The following TP63 variants were observed in gnomAD, a reference collection of about 807,000 sequenced individuals.
TP63 encodes tumor protein p63.
TP63 carries 17 observed loss-of-function variants against 82.8 expected under a neutral mutation model. The ratio of observed to expected loss-of-function variants is 0.21; its 90% CI spans 0.14 to 0.31. TP63 has a LOEUF of 0.31. Among genes scored for constraint, TP63 ranks in the 10% least tolerant of loss-of-function variants. The pLI, the probability that TP63 is intolerant of heterozygous loss-of-function variation, is 1.00. For synonymous variants in TP63, 330 were observed against 321.7 expected, an observed-to-expected ratio of 1.03 and a Z score of -0.28; for missense variants, 648 against 895.3, an observed-to-expected ratio of 0.72 and a Z score of 3.52.
chr3:189,784,281 C>G (rs1232376756), intron 3 of TP63, among the ~76,000 whole-genome samples: 1 of 151,916 alleles, frequency 6.6e-6, no homozygotes, highest in African/African-American at 2.4e-5. Flanking sequence ...ACTGTTATTA[C>G]AATCATAGCA....
chr3:189,615,141 C>A, the TP63 span, among the ~76,000 whole-genome samples: 2 of 152,166 alleles, frequency 1.3e-5, no homozygotes, highest in African/African-American at 4.8e-5. Flanking sequence ...AGAATAAAAC[C>A]TAAACTCCCT....
At chr3:189,694,585 C>T (rs1038897202) in intron 1 of TP63, among the ~76,000 whole-genome samples, 1 of 151,774 alleles carries the variant, frequency 6.6e-6, no homozygotes, top group Non-Finnish European at 1.5e-5. Flanking sequence ...GGTTTATGTT[C>T]TTTGGGGAGG....
At chr3:189,690,355 G>A (rs1950084) in intron 1 of TP63, among the ~76,000 whole-genome samples, 16,861 of 151,944 alleles carry the variant, frequency 0.11, 984 homozygotes, top group East Asian at 0.26. Flanking sequence ...ATAGTAACTT[G>A]GTGTTTGGCA....
chr3:189,722,935 A>G (rs1719502039), intron 1 of TP63, among the ~76,000 whole-genome samples: 1 of 152,246 alleles, frequency 6.6e-6, no homozygotes, highest in African/African-American at 2.4e-5. Flanking sequence ...AACTCTAAAC[A>G]TTAGAATTTA....
At chr3:189,648,708 C>T (rs761820208) in intron 1 of TP63, among the ~76,000 whole-genome samples, 1 of 147,324 alleles carries the variant, frequency 6.8e-6, no homozygotes, top group Non-Finnish European at 1.5e-5. Context: ...CAGAATGTCA[C>T]ACTCAGAATT....
chr3:189,704,719 C>A (rs76274605), intron 1 of TP63, among the ~76,000 whole-genome samples: 3,884 of 152,316 alleles, frequency 0.025, 178 homozygotes, highest in African/African-American at 0.089. Context: ...GAATAGGTTA[C>A]CTGCATTCTT....
chr3:189,764,672 TA>T (rs537426528), intron 3 of TP63, among the ~76,000 whole-genome samples: 3 of 151,866 alleles, frequency 2.0e-5, no homozygotes, highest in Admixed American at 6.6e-5. Flanking sequence ...ACTTGTAGAT[TA>T]AAAAAAATAG....
chr3:189,751,938 A>G (rs1167641354), intron 3 of TP63, among the ~76,000 whole-genome samples: 1 of 152,092 alleles, frequency 6.6e-6, no homozygotes, highest in East Asian at 1.9e-4. Context: ...AATTGTGTAG[A>G]ATTGATATAT....
intron 3 of TP63, among the ~76,000 whole-genome samples, chr3:189,795,187 C>T (rs908387917): frequency 6.6e-6 from 1 of 152,046 alleles, no homozygotes; most frequent in Non-Finnish European, 1.5e-5. Flanking sequence ...TGGCTGTAAG[C>T]CAGACACAAT....
chr3:189,803,379 C>T (rs1273172236), intron 3 of TP63, among the ~76,000 whole-genome samples: 1 of 152,170 alleles, frequency 6.6e-6, no homozygotes. Context: ...ATACCTATTT[C>T]TATTGCATTG....
chr3:189,866,370 C>A (rs566477064), intron 5 of TP63, among the ~76,000 whole-genome samples: 1 of 152,170 alleles, frequency 6.6e-6, no homozygotes, highest in East Asian at 1.9e-4. Flanking sequence ...GCAAAATTTC[C>A]TCCACGATGA....
At chr3:189,675,597 C>T (rs970266313) in intron 1 of TP63, among the ~76,000 whole-genome samples, 4 of 151,978 alleles carry the variant, frequency 2.6e-5, no homozygotes, top group East Asian at 1.9e-4. Flanking sequence ...TAGATTTTTT[C>T]GCTAGTCTAC....
intron 4 of TP63, among the ~76,000 whole-genome samples, chr3:189,814,614 G>T (rs1293028863): frequency 6.6e-6 from 1 of 152,292 alleles, no homozygotes; most frequent in East Asian, 1.9e-4. Context: ...TTAGTTCACA[G>T]AGTATTGAGG....
At chr3:189,844,415 AG>A in intron 4 of TP63, 1 of 336,996 alleles carries the variant, frequency 3.0e-6, no homozygotes, top group South Asian at 2.2e-5. Context: ...CCTCCCAAGT[AG>A]GTGGGATTAC....
rs531793544 is a variant in TP63 at position 189,661,554 on chromosome 3, C to T, written c.62+29977C>T. ...GTTTTCTTTTTTCATTTTGCCTTTGCGAGCTTTTGGTATCAGGGTGATGCT... is the reference window on the plus strand; with the variant it reads ...GTTTTCTTTTTTCATTTTGCCTTTGTGAGCTTTTGGTATCAGGGTGATGCT... On this transcript the variant is annotated intron_variant, in intron 1 of 13. Transcript: ENST00000264731. Among the ~76,000 whole-genome samples the T allele has an allele frequency of 5.9e-5, 9 of 151,998 alleles. No homozygotes were observed. In the East Asian group the frequency reaches 1.4e-3, roughly 23 times the overall value.
intron 4 of TP63, among the ~76,000 whole-genome samples, chr3:189,846,682 CTTTTTTTT>C (rs1204688713): frequency 1.4e-5 from 1 of 70,628 alleles, no homozygotes; most frequent in African/African-American, 6.0e-5. Context: ...TTTCCACATT[CTTTTTTTT>C]TTTTTTTTTT....
At chr3:189,807,223 AC>A (rs1402033425) in intron 3 of TP63, among the ~76,000 whole-genome samples, 1 of 152,202 alleles carries the variant, frequency 6.6e-6, no homozygotes, top group Non-Finnish European at 1.5e-5. Flanking sequence ...TGATTTGCCT[AC>A]TCAGGCTGAC....
intron 1 of TP63, among the ~76,000 whole-genome samples, chr3:189,679,464 T>A (rs1715723816): frequency 6.6e-6 from 1 of 152,140 alleles, no homozygotes; most frequent in Admixed American, 6.5e-5. Flanking sequence ...TCTTTGCCCA[T>A]TTTTAAATTA....
At chr3:189,787,218 A>C (rs900658429) in intron 3 of TP63, among the ~76,000 whole-genome samples, 1 of 152,112 alleles carries the variant, frequency 6.6e-6, no homozygotes, top group African/African-American at 2.4e-5. Context: ...GTACAATATG[A>C]AGATGAGCAA....
Sources: gnomAD v4.1 joint callset for allele counts (sites outside exome capture counted in the v4.1 genomes callset) on GRCh38, gnomAD v4.1.1 for gene constraint, MANE v1.5 for transcripts, NCBI Gene and HGNC (gene_info 2026-07-23, HGNC 2026-07-21) for gene names.